MYCT1: variants seen among roughly 807,000 people sequenced by gnomAD.
The protein encoded by MYCT1 is MYC target 1.
In MYCT1, 12 loss-of-function variants were observed where a neutral mutation model predicts 15.0. The ratio of observed to expected loss-of-function variants is 0.80; its 90% CI spans 0.51 to 1.29. The LOEUF (loss-of-function observed/expected upper bound fraction) is 1.29. MYCT1 is among the 50% of genes most tolerant of loss of function. The pLI, the probability that MYCT1 is intolerant of heterozygous loss-of-function variation, is 0.00. For missense variants in MYCT1, 287 were observed against 279.1 expected (o/e 1.03, Z -0.20); for synonymous variants, 104 against 102.7 (o/e 1.01, Z -0.07).
Position 152,698,067 on chromosome 6 carries a change from T to C in MYCT1, c.165T>C (p.Ser55=). ...LVDIMANNTT[S]LGSPWPENFW... The stretch of plus-strand genomic sequence containing the variant: ...ATATTATGGCTAATAACACAACAAG[T>C]TTAGGGAGTCCATGGCCAGAAAACT... The change falls in exon 1 of 2, where the codon AGT becomes AGC. Residue 55 remains serine (S), a synonymous_variant. Transcript: ENST00000367245. The C allele has an allele frequency of 6.3e-7, 1 of 1,586,880 alleles. No homozygotes were observed. Among genetic ancestry groups the C allele is most frequent in the East Asian group, 2.3e-5 (1 of 43,944 alleles).
chr6:152,703,023 T>C (rs2099721609), intron 1 of MYCT1, among the ~76,000 whole-genome samples: 1 of 152,198 alleles, frequency 6.6e-6, no homozygotes, highest in Non-Finnish European at 1.5e-5. Context: ...TGAGAGAAAG[T>C]GGCCTATAAC....
intron 1 of MYCT1, among the ~76,000 whole-genome samples, chr6:152,717,465 G>T (rs779393576): frequency 8.5e-5 from 13 of 152,130 alleles, no homozygotes; most frequent in Non-Finnish European, 1.6e-4. Context: ...GTTGTGGGAG[G>T]GACCCGGTGG....
chr6:152,738,741 T>A, the MYCT1 span, among the ~76,000 whole-genome samples: 21 of 152,252 alleles, frequency 1.4e-4, no homozygotes, highest in African/African-American at 5.1e-4. Flanking sequence ...GATTAGCACA[T>A]TTAGCTACCA....
chr6:152,712,691 G>A (rs2099722960), intron 1 of MYCT1, among the ~76,000 whole-genome samples: 1 of 152,022 alleles, frequency 6.6e-6, no homozygotes, highest in African/African-American at 2.4e-5. Flanking sequence ...ATACTTAAGG[G>A]ATACTTTTGC....
In MYCT1 at chr6:152,707,019, G is replaced by A. The variant is rs78351054; in HGVS notation, c.196+8921G>A. ...GATTCTGATCTCATTTCCTTTTAAT[G>A]TACACCTGGAGGGATTGCTGAATTC... On this transcript the variant is annotated intron_variant, in intron 1 of 1. Coordinates refer to ENST00000367245, the MANE Select transcript of MYCT1 (RefSeq NM_025107.3). 8.1e-3 allele frequency among the ~76,000 whole-genome samples: 1,226 copies of A among 152,004 alleles called. 15 individuals carry two copies. Among genetic ancestry groups the A allele is most frequent in the African/African-American group, 0.027 (1,133 of 41,488 alleles).
Position 152,721,955 on chromosome 6 carries a change from T to C in MYCT1, c.410T>C (p.Leu137Pro). 6.2e-7 allele frequency: 1 copy of C among 1,614,182 alleles called. No homozygotes were observed. The highest frequency in any genetic ancestry group is 8.5e-7 in the Non-Finnish European group (1 of 1,180,026). Residue 137 changes from leucine (L) to proline (P), a missense_variant, in exon 2 of 2, where the codon CTC becomes CCC. Leu to Pro is a moderately conservative substitution (Grantham distance 98). Coordinates refer to ENST00000367245, the MANE Select transcript of MYCT1 (RefSeq NM_025107.3). Reference protein sequence around the residue: ...RHSGCERRSNLSLASLTFQRQ... With the variant: ...RHSGCERRSNPSLASLTFQRQ... ...AGTGGCTGTGAACGTCGAAGCAACC[T>C]CAGCCTGGCCAGTCTCACCTTCCAG...
chr6:152,721,884 G>A lies in MYCT1; in HGVS notation c.339G>A (p.Arg113=), dbSNP rs760636457. The A allele has an allele frequency of 6.2e-7, 1 of 1,614,014 alleles. No individual in the cohort carries two copies. Among genetic ancestry groups the A allele is most frequent in the South Asian group, 1.1e-5 (1 of 91,068 alleles). ...ISQWSSSRRS[R]SSYTHGLNRT... is the part of the protein sequence containing the mutation. ...AGTGGAGTTCAAGCAGGAGATCTAGGTCTTCTTACACCCACGGCCTCAACA... is the reference window on the plus strand; with the variant it reads ...AGTGGAGTTCAAGCAGGAGATCTAGATCTTCTTACACCCACGGCCTCAACA... The change falls in exon 2 of 2, where the codon AGG becomes AGA. Residue 113 remains arginine, a synonymous_variant. Coordinates refer to ENST00000367245, the MANE Select transcript of MYCT1 (RefSeq NM_025107.3).
At chr6:152,705,244 T>G (rs1039615233) in intron 1 of MYCT1, among the ~76,000 whole-genome samples, 7 of 152,200 alleles carry the variant, frequency 4.6e-5, no homozygotes, top group African/African-American at 1.7e-4. Context: ...ACACTTACAT[T>G]AGCCTACAGT....
At chr6:152,706,912 A>G (rs2099722385) in intron 1 of MYCT1, among the ~76,000 whole-genome samples, 1 of 151,070 alleles carries the variant, frequency 6.6e-6, no homozygotes, top group East Asian at 2.0e-4. Context: ...CATTCATCTG[A>G]TGATGGACAC....
rs1352621131 is a variant in MYCT1 at position 152,722,253 on chromosome 6, A to G, written c.708A>G (p.Ter236TrpextTer22). The G allele has an allele frequency of 6.3e-7, 1 of 1,592,586 alleles. No homozygotes were observed. The highest frequency in any genetic ancestry group is 8.5e-7 in the Non-Finnish European group (1 of 1,171,176). The stretch of plus-strand genomic sequence containing the variant: ...TCATCAAGGCATTCCCAGATTCCTG[A>G]GTAGGGTGGCTTTTGGTTTTTGTTT... ...ESIIKAFPDS[*>W] Residue 236 changes from the stop codon to tryptophan (W), a stop_lost, in exon 2 of 2, where the codon TGA (stop) becomes TGG (tryptophan). Coordinates refer to ENST00000367245, the MANE Select transcript of MYCT1 (RefSeq NM_025107.3).
chr6:152,722,483 G>T lies in MYCT1; in HGVS notation c.*230G>T. ...TTTCCCCCAAGCGTTTTATATTTAT[G>T]TATTTTGTATTCAATGTGAGGCTTA... On this transcript the variant is annotated 3_prime_UTR_variant, in exon 2 of 2. Transcript: ENST00000367245. The T allele has an allele frequency of 4.3e-6, 2 of 470,002 alleles. No individual in the cohort carries two copies. The highest frequency in any genetic ancestry group is 7.4e-6 in the Non-Finnish European group (2 of 269,122). The allele number at this position is 470,002 out of a possible 1,614,324, so 29.1% of individuals were successfully genotyped here.
Position 152,724,288 on chromosome 6 carries a change from C to A in MYCT1, c.*2035C>A, listed in dbSNP as rs2099725236. The stretch of plus-strand genomic sequence containing the variant: ...ATCCTTAATGTCTAACATGAAAAAT[C>A]AGCAAAGAGTATGGTTTTTATCAAG... On this transcript the variant is annotated 3_prime_UTR_variant, in exon 2 of 2. Coordinates refer to ENST00000367245, the MANE Select transcript of MYCT1 (RefSeq NM_025107.3). The A allele has an allele frequency of 6.9e-6, 1 of 145,810 alleles. No homozygotes were observed. Among genetic ancestry groups the A allele is most frequent in the African/African-American group, 2.5e-5 (1 of 39,378 alleles). The allele number at this position is 145,810 out of a possible 1,614,324, so 9.0% of individuals were successfully genotyped here.
At chr6:152,735,085 A>G in the MYCT1 span, among the ~76,000 whole-genome samples, 1 of 152,232 alleles carries the variant, frequency 6.6e-6, no homozygotes, top group African/African-American at 2.4e-5. Context: ...TCTAAAGCAC[A>G]TAAAAGAACA....
chr6:152,743,302 G>A, the MYCT1 span, among the ~76,000 whole-genome samples: 15 of 152,038 alleles, frequency 9.9e-5, no homozygotes, highest in Admixed American at 9.2e-4. Context: ...CTGGCCTCAA[G>A]CAATCCACCT....
chr6:152,702,844 A>G (rs1241899147), intron 1 of MYCT1, among the ~76,000 whole-genome samples: 1 of 152,252 alleles, frequency 6.6e-6, no homozygotes, highest in Non-Finnish European at 1.5e-5. Context: ...TGAAAAACAA[A>G]CATTTACAAA....
At chr6:152,740,168 T>A in the MYCT1 span, among the ~76,000 whole-genome samples, 2 of 152,106 alleles carry the variant, frequency 1.3e-5, no homozygotes, top group Non-Finnish European at 2.9e-5. Context: ...TGCCTCAGCC[T>A]CCTGAGTGAG....
the MYCT1 span, among the ~76,000 whole-genome samples, chr6:152,744,835 C>T: frequency 6.6e-6 from 1 of 152,058 alleles, no homozygotes; most frequent in South Asian, 2.1e-4. Context: ...CCAGCAGAGG[C>T]GGGAGCTGGG....
intron 1 of MYCT1, among the ~76,000 whole-genome samples, 163 bp from the exon 2 acceptor site, chr6:152,721,578 CT>C (rs1409857044): frequency 1.3e-5 from 2 of 152,144 alleles, no homozygotes; most frequent in African/African-American, 4.8e-5. Context: ...GCATTATCAG[CT>C]TCCATTTGTT....
Position 152,722,880 on chromosome 6 carries a change from AG to A in MYCT1, c.*631del. On this transcript the variant is annotated 3_prime_UTR_variant, in exon 2 of 2. Coordinates refer to ENST00000367245, the MANE Select transcript of MYCT1 (RefSeq NM_025107.3). The stretch of plus-strand genomic sequence containing the variant: ...TAGTGCCCCAAGTAGCTGGGACTAC[AG>A]GGGTGCACTACCACACCGGGTTGAA... 4.6e-6 allele frequency: 1 copy of A among 217,586 alleles called. No homozygotes were observed. The highest frequency in any genetic ancestry group is 9.4e-6 in the Non-Finnish European group (1 of 106,412). 13.5% of individuals were successfully genotyped at this position (217,586 alleles called of 1,614,324 possible).
Sources: gnomAD v4.1 joint callset for allele counts (sites outside exome capture counted in the v4.1 genomes callset) on GRCh38, gnomAD v4.1.1 for gene constraint, MANE v1.5 for transcripts, NCBI Gene and HGNC (gene_info 2026-07-23, HGNC 2026-07-21) for gene names.